The following C2orf92 variants were observed in gnomAD, a reference collection of about 807,000 sequenced individuals.
C2orf92 encodes chromosome 2 open reading frame 92, also known as uncharacterized protein C2orf92.
chr2:97,680,678 G>A (rs994352321), intron 3 of C2orf92, among the ~76,000 whole-genome samples: 2 of 152,198 alleles, frequency 1.3e-5, no homozygotes, highest in Admixed American at 1.3e-4. Context: ...TGTAGTCCCA[G>A]CACTTTAGGA....
chr2:97,697,648 C>T (rs1323706900), intron 5 of C2orf92, among the ~76,000 whole-genome samples: 1 of 152,198 alleles, frequency 6.6e-6, no homozygotes, highest in Non-Finnish European at 1.5e-5. Context: ...ATACCTAGAA[C>T]TTCATGAGAC....
At chr2:97,696,169 G>A (rs1676300092) in intron 5 of C2orf92, among the ~76,000 whole-genome samples, 1 of 152,206 alleles carries the variant, frequency 6.6e-6, no homozygotes, top group African/African-American at 2.4e-5. Context: ...AACATTGAAG[G>A]TCTTTAAAAA....
chr2:97,700,313 A>G (rs1363047619), intron 6 of C2orf92, among the ~76,000 whole-genome samples: 1 of 152,004 alleles, frequency 6.6e-6, no homozygotes, highest in African/African-American at 2.4e-5. Flanking sequence ...CCAAACCTAC[A>G]CACACGAGGC....
In C2orf92 at chr2:97,680,925, C is replaced by A. The variant is rs1364258045; in HGVS notation, c.232+4997C>A. On this transcript the variant is annotated intron_variant, in intron 3 of 7. Coordinates refer to ENST00000627399, the MANE Select transcript of C2orf92 (RefSeq NM_001351368.2). Reference sequence around the variant, plus strand: ...TGGGAGACAGAGCGAGACTCCGTCTCAAAAAAAAACAAAAACCAAAAAACC... The same window carrying A: ...TGGGAGACAGAGCGAGACTCCGTCTAAAAAAAAAACAAAAACCAAAAAACC... Among the ~76,000 whole-genome samples the A allele has an allele frequency of 1.4e-4, 21 of 146,796 alleles. No individual in the cohort carries two copies. The South Asian group carries it at 3.7e-3, about 26-fold the overall frequency.
At chr2:97,684,070 C>G (rs1328729492) in intron 3 of C2orf92, among the ~76,000 whole-genome samples, 1 of 138,036 alleles carries the variant, frequency 7.2e-6, no homozygotes, top group Non-Finnish European at 1.5e-5. Flanking sequence ...GAGTCTCACT[C>G]TGTCGCCCAG....
At chr2:97,677,397 G>A (rs1451464948) in intron 3 of C2orf92, 1 of 152,090 alleles carries the variant, frequency 6.6e-6, no homozygotes, top group South Asian at 2.1e-4. Flanking sequence ...AATGTTTTTT[G>A]TTTTTCTCTT....
intron 1 of C2orf92, among the ~76,000 whole-genome samples, chr2:97,672,773 G>A (rs1254793173): frequency 1.3e-5 from 2 of 152,072 alleles, no homozygotes; most frequent in Non-Finnish European, 2.9e-5. Flanking sequence ...GGTGAGAGCA[G>A]CTCCTCATTG....
chr2:97,683,076 C>CCACACA (rs760650490), intron 3 of C2orf92, among the ~76,000 whole-genome samples: 57,062 of 142,976 alleles, frequency 0.4, 11,439 homozygotes, highest in African/African-American at 0.44. Flanking sequence ...CATATAGACT[C>CCACACA]CACACACACA....
chr2:97,700,953 G>C (rs184648874), intron 6 of C2orf92, among the ~76,000 whole-genome samples: 15 of 151,780 alleles, frequency 9.9e-5, no homozygotes, highest in South Asian at 2.1e-4. Flanking sequence ...GGATGGTCTC[G>C]ATCTCCTGAC....
chr2:97,671,741 G>T (rs1402988926), intron 1 of C2orf92: 2 of 357,386 alleles, frequency 5.6e-6, no homozygotes, highest in East Asian at 8.1e-5. Flanking sequence ...GGACTGCGGC[G>T]TCAGATGCCA....
chr2:97,678,338 T>G (rs1430376425), intron 3 of C2orf92, among the ~76,000 whole-genome samples: 1 of 150,150 alleles, frequency 6.7e-6, no homozygotes, highest in Non-Finnish European at 1.5e-5. Flanking sequence ...TCAAGCATAC[T>G]AAAATATACA....
At chr2:97,671,253 C>G in intron 1 of C2orf92, 1 of 373,964 alleles carries the variant, frequency 2.7e-6, no homozygotes, top group Non-Finnish European at 4.7e-6. Flanking sequence ...AATGGATCCT[C>G]CTGCCTCAGC....
At chr2:97,666,469 G>A (rs1290265537), upstream of C2orf92, among the ~76,000 whole-genome samples, 1 of 150,570 alleles carries the variant, frequency 6.6e-6, no homozygotes, top group Non-Finnish European at 1.5e-5. Context: ...CCCAGGAGGC[G>A]GAGGTTGCAG....
At chr2:97,671,334 C>CGGG (rs34273386) in intron 1 of C2orf92, 4 of 390,764 alleles carry the variant, frequency 1.0e-5, no homozygotes, top group African/African-American at 8.3e-5. Context: ...TTTGTAGAGT[C>CGGG]GGGGGTCTCC....
upstream of C2orf92, chr2:97,665,747 A>C (rs1261234569): frequency 0.032 from 1,338 of 42,296 alleles, 5 homozygotes; most frequent in Non-Finnish European, 0.057. Flanking sequence ...CTATATATAT[A>C]TATATATATA....
At chr2:97,677,995 T>TGAA (rs1675636225) in intron 3 of C2orf92, among the ~76,000 whole-genome samples, 1 of 152,222 alleles carries the variant, frequency 6.6e-6, no homozygotes, top group South Asian at 2.1e-4. Flanking sequence ...GGTCAGGAGA[T>TGAA]GAAGACCATC....
chr2:97,700,969 G>A (rs968037648), intron 6 of C2orf92, among the ~76,000 whole-genome samples, 185 bp from the exon 7 acceptor site: 1 of 151,778 alleles, frequency 6.6e-6, no homozygotes, highest in African/African-American at 2.4e-5. Context: ...CTGACCTCGT[G>A]ATCCGCCCGC....
chr2:97,675,695 A>G (rs1352533178), intron 2 of C2orf92, 150 bp from the exon 3 acceptor site: 1 of 397,128 alleles, frequency 2.5e-6, no homozygotes, highest in East Asian at 3.6e-5. Flanking sequence ...CAGACACTTC[A>G]TGAATGCTCT....
intron 3 of C2orf92, among the ~76,000 whole-genome samples, chr2:97,676,552 A>C (rs1251722097): frequency 6.6e-6 from 1 of 151,402 alleles, no homozygotes; most frequent in Admixed American, 6.6e-5. Flanking sequence ...GGAGGACAGA[A>C]GTTCAGGACC....
Sources: gnomAD v4.1 joint callset for allele counts (sites outside exome capture counted in the v4.1 genomes callset) on GRCh38, gnomAD v4.1.1 for gene constraint, MANE v1.5 for transcripts, NCBI Gene and HGNC (gene_info 2026-07-23, HGNC 2026-07-21) for gene names.